The following GUCY2D variants were observed in gnomAD, a reference collection of about 807,000 sequenced individuals.
GUCY2D encodes the protein retinal guanylyl cyclase 1.
A neutral mutation model predicts 101.3 loss-of-function variants in GUCY2D; 70 were observed. The observed-to-expected ratio is 0.69, with a 90% CI of 0.57 to 0.84. The LOEUF is 0.84. Among genes scored for constraint, GUCY2D ranks in the 40% least tolerant of loss-of-function variants. The pLI is 0.00. For missense variants in GUCY2D, 1,460 were observed against 1,542.5 expected (o/e 0.95, Z 0.90); for synonymous variants, 688 against 670.7 (o/e 1.03, Z -0.40).
At chr17:8,007,169 G>A in intron 5 of GUCY2D, 25 bp downstream of exon 5, 2 of 1,532,486 alleles carry the variant, frequency 1.3e-6, no homozygotes, top group South Asian at 1.1e-5. Flanking sequence ...GAGGTAAGTA[G>A]GAAGTGAGCT....
intron 19 of GUCY2D, among the ~76,000 whole-genome samples, chr17:8,018,933 T>C (rs1976024247): frequency 6.6e-6 from 1 of 151,896 alleles, no homozygotes; most frequent in African/African-American, 2.4e-5. Context: ...ACATCGAGAA[T>C]CCAGCACTTG....
chr17:8,010,460 G>A (rs941085150), intron 8 of GUCY2D, among the ~76,000 whole-genome samples: 1 of 152,044 alleles, frequency 6.6e-6, no homozygotes, highest in African/African-American at 2.4e-5. Flanking sequence ...GACTTAAGTG[G>A]ACTATGTGTA....
Position 8,004,817 on chromosome 17 carries a change from C to A in GUCY2D, c.1026+661C>A, listed in dbSNP as rs1328865921. ...TGAATTAACCACCACAAAGGTCCAACTCACAGGCGGCTGCATGAGAGAAGG... is the reference window on the plus strand; with the variant it reads ...TGAATTAACCACCACAAAGGTCCAAATCACAGGCGGCTGCATGAGAGAAGG... On this transcript the variant is annotated intron_variant, in intron 3 of 19. Transcript: ENST00000254854. 2.0e-5 allele frequency among the ~76,000 whole-genome samples: 3 copies of A among 152,188 alleles called. No individual in the cohort carries two copies. In the South Asian group the frequency reaches 6.2e-4, roughly 32 times the overall value.
Position 8,009,506 on chromosome 17 carries a change from G to A in GUCY2D, c.1669G>A (p.Gly557Arg), listed in dbSNP as rs1184024632. 2 of 1,609,544 alleles carry A rather than the reference G, an allele frequency of 1.2e-6. No homozygotes were observed. The highest frequency in any genetic ancestry group is 1.3e-5 in the African/African-American group (1 of 74,846). Residue 557 changes from glycine to arginine, a missense_variant and splice_region_variant, in exon 8 of 20, where the codon GGA becomes AGA. Gly to Arg is a moderately radical substitution (Grantham distance 125). Around this residue, in one of 3 missense-constraint regions of GUCY2D, gnomAD observed 1,196 missense variants for 1,229.6 expected, o/e 0.97. Transcript: ENST00000254854. ...LDSPNIGVYE[G>R]DRVWLKKFPG... Reference sequence around the variant, plus strand: ...CCTACCCCCATCCTCTTTGCTGCAGGGAGACAGGGTTTGGCTGAAGAAATT... The same window carrying A: ...CCTACCCCCATCCTCTTTGCTGCAGAGAGACAGGGTTTGGCTGAAGAAATT...
intron 14 of GUCY2D, 55 bp downstream of exon 14, chr17:8,015,106 C>G: frequency 6.8e-7 from 1 of 1,461,548 alleles, no homozygotes; most frequent in Non-Finnish European, 9.5e-7. Context: ...TCACCAGCCT[C>G]CAGCCCAGCC....
rs757925587 is a variant in GUCY2D, at chr17:8,003,992, G to T, written c.862G>T (p.Gly288Cys). The part of the protein sequence containing the change: ...FDTIHYALSP[G>C]PEALAALANS... ...CACGATCCACTACGCCTTGTCCCCA[G>T]GCCCGGAGGCCTTGGCCGCACTCGC... is the stretch of plus-strand genomic sequence containing the variant. The change falls in exon 3 of 20, where the codon GGC becomes TGC. Residue 288 changes from glycine (G) to cysteine (C), a missense_variant. By Grantham distance (159) the Gly-to-Cys change is radical. Around this residue, in one of 3 missense-constraint regions of GUCY2D, gnomAD observed 1,196 missense variants for 1,229.6 expected, o/e 0.97. Coordinates refer to ENST00000254854, the MANE Select transcript of GUCY2D (RefSeq NM_000180.4). 1.1e-5 allele frequency: 17 copies of T among 1,613,536 alleles called. No individual in the cohort carries two copies. The highest frequency in any genetic ancestry group is 1.4e-5 in the Non-Finnish European group (16 of 1,179,940).
In GUCY2D at chr17:8,012,130, T is replaced by G. The variant is rs1975861617; in HGVS notation, c.1750-14T>G. ...CCCTGGGCAGAAAATGCAAGTCAACTCTCCCCCTCTCAGCTCCAGGAGCTC... is the reference window on the plus strand; with the variant it reads ...CCCTGGGCAGAAAATGCAAGTCAACGCTCCCCCTCTCAGCTCCAGGAGCTC... On this transcript the variant is annotated splice_polypyrimidine_tract_variant and intron_variant, in intron 8 of 19. Transcript: ENST00000254854. 1 of 1,602,812 alleles carries G rather than the reference T, an allele frequency of 6.2e-7. No homozygotes were observed. The highest frequency in any genetic ancestry group is 2.2e-5 in the East Asian group (1 of 44,814).
At chr17:8,012,843 T>C (rs1975883472) in intron 10 of GUCY2D, among the ~76,000 whole-genome samples, 1 of 152,176 alleles carries the variant, frequency 6.6e-6, no homozygotes, top group African/African-American at 2.4e-5. Context: ...TTTGCTCTGA[T>C]TACAAGTTTG....
intron 19 of GUCY2D, among the ~76,000 whole-genome samples, chr17:8,017,753 C>T (rs1415189109): frequency 6.6e-6 from 1 of 152,060 alleles, no homozygotes; most frequent in Non-Finnish European, 1.5e-5. Context: ...AGTGCAGTGA[C>T]ACAATCTCGA....
chr17:8,019,773 T>C (rs1294683032), intron 19 of GUCY2D, among the ~76,000 whole-genome samples: 1 of 152,254 alleles, frequency 6.6e-6, no homozygotes, highest in Admixed American at 6.5e-5. Flanking sequence ...TCTTATTTCC[T>C]GGACCCAGTC....
At position 8,014,739 on chromosome 17, in the gene GUCY2D, C is replaced by T. The variant is rs571236000; in HGVS notation, c.2551C>T (p.Arg851Trp). ...ELELEKQKTD[R>W]LLTQMLPPSV... ...GGAGCTGGAAAAGCAGAAGACAGAC[C>T]GGCTGCTTACACAGATGCTGCCTCC... is the stretch of plus-strand genomic sequence containing the variant. Residue 851 changes from arginine (R) to tryptophan (W), a missense_variant, in exon 13 of 20, where the codon CGG (arginine) becomes TGG (tryptophan). By Grantham distance (101) the Arg-to-Trp change is moderately radical. Coordinates refer to ENST00000254854, the MANE Select transcript of GUCY2D (RefSeq NM_000180.4). The surrounding 1 kb of genome is among the most constrained non-coding windows in gnomAD (Gnocchi z 4.0). 60 of 1,391,990 alleles carry T rather than the reference C, an allele frequency of 4.3e-5. No individual in the cohort carries two copies. The highest frequency in any genetic ancestry group is 8.0e-5 in the South Asian group (7 of 87,940). 86.2% of individuals were successfully genotyped at this position (1,391,990 alleles called of 1,614,324 possible).
chr17:8,012,448 A>C lies in GUCY2D; in HGVS notation c.1957-2A>C. 1 of 1,614,022 alleles carries C rather than the reference A, an allele frequency of 6.2e-7. No homozygotes were observed. The highest frequency in any genetic ancestry group is 8.5e-7 in the Non-Finnish European group (1 of 1,179,968). On this transcript the variant is annotated splice_acceptor_variant, in intron 9 of 19. Transcript: ENST00000254854. LOFTEE classifies it high-confidence loss of function. The stretch of plus-strand genomic sequence containing the variant: ...GCTGCCTCTTACCCTACCCATTCCA[A>C]GGGAATAAGGTATCTGCACCATCGA...
chr17:8,018,276 CCA>C (rs1306760905), intron 19 of GUCY2D, among the ~76,000 whole-genome samples: 1 of 152,170 alleles, frequency 6.6e-6, no homozygotes, highest in Non-Finnish European at 1.5e-5. Flanking sequence ...CTTCACTACA[CCA>C]AGTGTGGTTG....
chr17:8,009,374 C>A, intron 7 of GUCY2D, 132 bp from the exon 8 acceptor site: 1 of 772,878 alleles, frequency 1.3e-6, no homozygotes, highest in Non-Finnish European at 2.4e-6. Flanking sequence ...CCCCTTGGTT[C>A]AATGCATTTT....
At chr17:8,015,600 G>A (rs1975952540) in intron 15 of GUCY2D, 98 bp downstream of exon 15, 1 of 1,253,874 alleles carries the variant, frequency 8.0e-7, no homozygotes, top group South Asian at 1.3e-5. Flanking sequence ...CGGGGAGTGG[G>A]GCTTACCTTG....
At chr17:8,004,191 G>A (rs1472898536) in intron 3 of GUCY2D, 35 bp downstream of exon 3, 1 of 1,542,750 alleles carries the variant, frequency 6.5e-7, no homozygotes, top group African/African-American at 1.4e-5. Flanking sequence ...GAAGGCAAGG[G>A]AGAGGGGAGA....
At chr17:8,006,993 G>T in intron 4 of GUCY2D, 67 bp from the exon 5 acceptor site, 1 of 1,298,386 alleles carries the variant, frequency 7.7e-7, no homozygotes, top group Non-Finnish European at 1.1e-6. Context: ...CATGTGGCAT[G>T]CCTCCCTAGA....
rs747899948 is a variant in GUCY2D, at chr17:8,013,864, C to A, written c.2264-16C>A. On this transcript the variant is annotated splice_polypyrimidine_tract_variant and intron_variant, in intron 11 of 19. Transcript: ENST00000254854. This position sits in a 1 kb window ranked among gnomAD's most constrained non-coding sequence, Gnocchi z 5.0. Reference sequence around the variant, plus strand: ...TTCTGGGGGCACTCCCCCTCACTGTCCCCTCATGCCTCCAGAAGTGGTGCA... The same window carrying A: ...TTCTGGGGGCACTCCCCCTCACTGTACCCTCATGCCTCCAGAAGTGGTGCA... 2.5e-6 allele frequency: 4 copies of A among 1,611,528 alleles called. No individual in the cohort carries two copies. In the Admixed American group the frequency reaches 5.0e-5, roughly 20 times the overall value.
At position 8,009,544 on chromosome 17, in the gene GUCY2D, G is replaced by T. The variant is rs568220391; in HGVS notation, c.1707G>T (p.Gln569His). 1.2e-6 allele frequency: 2 copies of T among 1,613,786 alleles called. No homozygotes were observed. The highest frequency in any genetic ancestry group is 1.3e-5 in the African/African-American group (1 of 75,030). The change falls in exon 8 of 20, where the codon CAG (glutamine) becomes CAT (histidine). Residue 569 changes from glutamine (Q) to histidine (H), a missense_variant. Gln to His is a conservative substitution (Grantham distance 24). Around this residue, in one of 3 missense-constraint regions of GUCY2D, gnomAD observed 1,196 missense variants for 1,229.6 expected, o/e 0.97. Transcript: ENST00000254854. The part of the protein sequence containing the change: ...RVWLKKFPGD[Q>H]HIAIRPATKT... ...GGCTGAAGAAATTCCCAGGGGATCA[G>T]CACATAGCTATCCGCCCAGCAACCA...
Sources: allele counts gnomAD v4.1 joint callset (sites outside exome capture counted in the v4.1 genomes callset), GRCh38; gene constraint gnomAD v4.1.1; regional missense constraint gnomAD v4.1.1; non-coding constraint Gnocchi (gnomAD v3.1); transcripts MANE v1.5; gene names NCBI Gene and HGNC (gene_info 2026-07-23, HGNC 2026-07-21).